The following ONECUT2 variants were observed in gnomAD, a reference collection of about 807,000 sequenced individuals.
ONECUT2 encodes one cut homeobox 2, also known as one cut domain family member 2.
In ONECUT2, 10 loss-of-function variants were observed where a neutral mutation model predicts 27.9. The observed-to-expected ratio is 0.36, with a 90% CI of 0.22 to 0.61. ONECUT2 has a LOEUF of 0.61. Ranked by LOEUF, ONECUT2 falls within the 20% of genes least tolerant of loss-of-function variation. The pLI is 0.73. For synonymous variants in ONECUT2, 334 were observed against 315.1 expected (o/e 1.06, Z -0.64); for missense variants, 686 against 721.0 (o/e 0.95, Z 0.56).
intron 1 of ONECUT2, among the ~76,000 whole-genome samples, chr18:57,462,723 C>CTTTTTTTTT (rs57032206): frequency 2.2e-4 from 15 of 68,998 alleles, no homozygotes; most frequent in Admixed American, 7.1e-4. Flanking sequence ...TATTTTCTTT[C>CTTTTTTTTT]TTTTTTTTTT....
intron 1 of ONECUT2, among the ~76,000 whole-genome samples, chr18:57,463,974 T>C (rs1397661535): frequency 6.6e-6 from 1 of 152,016 alleles, no homozygotes; most frequent in Non-Finnish European, 1.5e-5. Flanking sequence ...ATCTTGAGTT[T>C]TCTAGGTTAC....
In ONECUT2 at chr18:57,481,232, A is replaced by G. The variant is rs1366525692; in HGVS notation, c.*4509A>G. The G allele has an allele frequency of 6.6e-6, 1 of 152,220 alleles. No individual in the cohort carries two copies. Among genetic ancestry groups the G allele is most frequent in the African/African-American group, 2.4e-5 (1 of 41,454 alleles). 9.4% of individuals were successfully genotyped at this position (152,220 alleles called of 1,614,324 possible). A position where few individuals can be genotyped will look rare whatever the true frequency, so the allele number is the denominator to read the frequency against. ...ATTTAAAAGCTTTTCCAAAATGTAA[A>G]AGAAGTGTTTAGCTTGCACCATGCA... On this transcript the variant is annotated 3_prime_UTR_variant, in exon 2 of 2. Transcript: ENST00000491143.
intron 1 of ONECUT2, among the ~76,000 whole-genome samples, chr18:57,469,796 G>C (rs1427581017): frequency 6.6e-6 from 1 of 152,144 alleles, no homozygotes; most frequent in Non-Finnish European, 1.5e-5. Flanking sequence ...TGTCTACTCT[G>C]TGCCAAGTGT....
intron 1 of ONECUT2, among the ~76,000 whole-genome samples, chr18:57,453,658 T>A (rs116113912): frequency 0.11 from 621 of 5,714 alleles, 4 homozygotes; most frequent in African/African-American, 0.18. Flanking sequence ...ACTAAATTCA[T>A]AACTTCTTTC....
At position 57,476,688 on chromosome 18, in the gene ONECUT2, T is replaced by A. The variant is rs1336269029; in HGVS notation, c.1480T>A (p.Ser494Thr). 2 of 1,614,128 alleles carry A rather than the reference T, an allele frequency of 1.2e-6. No individual in the cohort carries two copies. The highest frequency in any genetic ancestry group is 8.5e-7 in the Non-Finnish European group (1 of 1,180,032). ...KWQDDLSTGG[S>T]SSTSSTCTKA The stretch of plus-strand genomic sequence containing the variant: ...GCAAGACGATCTGAGCACAGGGGGC[T>A]CCTCGTCCACCTCCAGCACGTGTAC... Residue 494 changes from serine (S) to threonine (T), a missense_variant, in exon 2 of 2, where the codon TCC (serine) becomes ACC (threonine). Coordinates refer to ENST00000491143, the MANE Select transcript of ONECUT2 (RefSeq NM_004852.3).
At chr18:57,447,831 T>C (rs2050209168) in intron 1 of ONECUT2, among the ~76,000 whole-genome samples, 1 of 152,206 alleles carries the variant, frequency 6.6e-6, no homozygotes, top group South Asian at 2.1e-4. Context: ...CTGTGGAGCA[T>C]CACCACCTTC....
chr18:57,461,676 AGAG>A (rs1568122311), intron 1 of ONECUT2, among the ~76,000 whole-genome samples: 1 of 152,228 alleles, frequency 6.6e-6, no homozygotes, highest in Non-Finnish European at 1.5e-5. Context: ...AATATGCCTT[AGAG>A]TTGTTCCAGC....
chr18:57,442,311 G>A (rs1460367301), intron 1 of ONECUT2, among the ~76,000 whole-genome samples: 2 of 150,466 alleles, frequency 1.3e-5, no homozygotes, highest in Non-Finnish European at 2.9e-5. Flanking sequence ...TTCCAACAGC[G>A]GGTATCAATC....
Position 57,467,345 on chromosome 18 carries a change from G to T in ONECUT2, c.1229-9092G>T, listed in dbSNP as rs545031348. 548 of 225,610 alleles carry T rather than the reference G, an allele frequency of 2.4e-3. 5 individuals are homozygous for T. Among genetic ancestry groups the T allele is most frequent in the South Asian group, 0.014 (530 of 36,846 alleles). 14.0% of individuals were successfully genotyped at this position (225,610 alleles called of 1,614,324 possible). On this transcript the variant is annotated intron_variant, in intron 1 of 1. Transcript: ENST00000491143. ...CCATTGATCATCCACATTTCCTTTG[G>T]TTTTTTTTTTGTTTGTTTGTTTGTT... is the stretch of plus-strand genomic sequence containing the variant.
intron 1 of ONECUT2, among the ~76,000 whole-genome samples, chr18:57,454,778 C>T (rs2050249720): frequency 6.6e-6 from 1 of 152,140 alleles, no homozygotes; most frequent in Admixed American, 6.5e-5. Context: ...TATTTACTCC[C>T]CACCCCCAAT....
chr18:57,435,685 G>T lies in ONECUT2; in HGVS notation c.-32G>T. ...TGCCCGCCCGCCGGCCGCCCCCGCC[G>T]CCCCCGCCGCCCCCGGGCCCTGATG... On this transcript the variant is annotated 5_prime_UTR_variant, in exon 1 of 2. Coordinates refer to ENST00000491143, the MANE Select transcript of ONECUT2 (RefSeq NM_004852.3). 2.5e-6 allele frequency: 1 copy of T among 406,702 alleles called. No homozygotes were observed. The allele number at this position is 406,702 out of a possible 1,614,324, so 25.2% of individuals were successfully genotyped here. A position where few individuals can be genotyped will look rare whatever the true frequency, so the allele number is the denominator to read the frequency against.
rs551095436 is a variant in ONECUT2, at chr18:57,436,197, T to C, written c.481T>C (p.Ser161Pro). The change falls in exon 1 of 2, where the codon TCC becomes CCC. Residue 161 changes from serine to proline, a missense_variant. Physicochemically the swap from Ser to Pro is moderately conservative, Grantham distance 74. Transcript: ENST00000491143. The surrounding 1 kb of genome is among the most constrained non-coding windows in gnomAD (Gnocchi z 5.9). ...LTPLQPLPPISTVSDKFHHPH... is the reference protein window; with the variant it reads ...LTPLQPLPPIPTVSDKFHHPH... ...ACCGCTCCAGCCGCTGCCACCCATC[T>C]CCACCGTGTCTGACAAGTTCCACCA... 10 of 1,607,320 alleles carry C rather than the reference T, an allele frequency of 6.2e-6. No homozygotes were observed. The African/African-American group carries it at 1.3e-4, about 21-fold the overall frequency.
rs2050432380 is a variant in ONECUT2 at position 57,485,136 on chromosome 18, A to G, written c.*8413A>G. 1 of 152,222 alleles carries G rather than the reference A, an allele frequency of 6.6e-6. No homozygotes were observed. Among genetic ancestry groups the G allele is most frequent in the Admixed American group, 6.5e-5 (1 of 15,274 alleles). The allele number at this position is 152,222 out of a possible 1,614,324, so 9.4% of individuals were successfully genotyped here. On this transcript the variant is annotated 3_prime_UTR_variant, in exon 2 of 2. Coordinates refer to ENST00000491143, the MANE Select transcript of ONECUT2 (RefSeq NM_004852.3). ...TGTATAGATAACTTTTTAATTCAGT[A>G]GGAGGAGAAAGTTCATTCTTGGCCT...
chr18:57,452,854 C>G (rs2050238570), intron 1 of ONECUT2, among the ~76,000 whole-genome samples: 1 of 152,196 alleles, frequency 6.6e-6, no homozygotes, highest in African/African-American at 2.4e-5. Context: ...CAATTCAGAT[C>G]TCAATTATTT....
chr18:57,458,279 T>C (rs2050271386), intron 1 of ONECUT2, among the ~76,000 whole-genome samples: 1 of 152,256 alleles, frequency 6.6e-6, no homozygotes, highest in Non-Finnish European at 1.5e-5. Flanking sequence ...TCTCCTTTAA[T>C]ACCAGTCTTC....
At chr18:57,459,378 G>T (rs186241075) in intron 1 of ONECUT2, among the ~76,000 whole-genome samples, 3 of 152,262 alleles carry the variant, frequency 2.0e-5, no homozygotes, top group South Asian at 2.1e-4. Context: ...ACAGCAAGGG[G>T]ATATAACAAT....
At chr18:57,449,664 C>T (rs1175020190) in intron 1 of ONECUT2, among the ~76,000 whole-genome samples, 1 of 152,208 alleles carries the variant, frequency 6.6e-6, no homozygotes, top group Admixed American at 6.5e-5. Context: ...TAACCCTCCC[C>T]AGTCAGTCAG....
chr18:57,436,336 T>C lies in ONECUT2; in HGVS notation c.620T>C (p.Met207Thr). The C allele has an allele frequency of 1.2e-6, 2 of 1,605,436 alleles. No individual in the cohort carries two copies. The highest frequency in any genetic ancestry group is 2.7e-5 in the African/African-American group (2 of 75,028). ...CGCGACGAGCGCGGGCTCCCGGCCA[T>C]GAACAACCTCTACAGTCCCTACAAG... ...LMRDERGLPA[M>T]NNLYSPYKEM... is the part of the protein sequence containing the mutation. The change falls in exon 1 of 2, where the codon ATG becomes ACG. Residue 207 changes from methionine to threonine, a missense_variant. Met to Thr is a moderately conservative substitution (Grantham distance 81). Transcript: ENST00000491143. This position sits in a 1 kb window ranked among gnomAD's most constrained non-coding sequence, Gnocchi z 5.9.
At chr18:57,455,690 C>T (rs2050255218) in intron 1 of ONECUT2, among the ~76,000 whole-genome samples, 1 of 151,980 alleles carries the variant, frequency 6.6e-6, no homozygotes, top group Non-Finnish European at 1.5e-5. Context: ...CTGGTTACAG[C>T]TGCACCCTTG....
Sources: allele counts gnomAD v4.1 joint callset (sites outside exome capture counted in the v4.1 genomes callset), GRCh38; gene constraint gnomAD v4.1.1; non-coding constraint Gnocchi (gnomAD v3.1); transcripts MANE v1.5; gene names NCBI Gene and HGNC (gene_info 2026-07-23, HGNC 2026-07-21).